OTUD7B: variants seen among roughly 807,000 people sequenced by gnomAD.
OTUD7B encodes OTU deubiquitinase 7B.
Under a neutral mutation model 82.2 loss-of-function variants are expected in OTUD7B, and 34 were observed. The observed-to-expected ratio is 0.41, with a 90% CI of 0.31 to 0.55. OTUD7B has a LOEUF of 0.55. Among genes scored for constraint, OTUD7B ranks in the 20% least tolerant of loss-of-function variants. The probability of loss-of-function intolerance (pLI) is 0.20; values close to 1 mark genes in which losing one functional copy is unlikely to be tolerated. For missense variants in OTUD7B, 944 were observed against 1,062.1 expected (o/e 0.89, Z 1.55); for synonymous variants, 398 against 402.7 (o/e 0.99, Z 0.14).
chr1:150,025,672 T>G, the OTUD7B span, among the ~76,000 whole-genome samples: 1 of 152,182 alleles, frequency 6.6e-6, no homozygotes, highest in Non-Finnish European at 1.5e-5. Context: ...ACTACCTTTC[T>G]CTGTGTGAAT....
chr1:150,004,497 T>C (rs1274051347), intron 1 of OTUD7B, among the ~76,000 whole-genome samples: 4 of 151,630 alleles, frequency 2.6e-5, no homozygotes, highest in Non-Finnish European at 5.9e-5. Flanking sequence ...GAGGCGGAGG[T>C]TGCAGTCAGC....
the OTUD7B span, among the ~76,000 whole-genome samples, chr1:150,018,584 C>T: frequency 6.6e-6 from 1 of 152,252 alleles, no homozygotes; most frequent in South Asian, 2.1e-4. Context: ...TACATGAATT[C>T]TACTGATGTA....
At chr1:150,061,873 A>C in the OTUD7B span, among the ~76,000 whole-genome samples, 2 of 152,242 alleles carry the variant, frequency 1.3e-5, no homozygotes, top group African/African-American at 4.8e-5. Context: ...AATTGCAGAA[A>C]TCATAGGCTG....
At chr1:150,004,028 G>A (rs1182999988) in intron 1 of OTUD7B, among the ~76,000 whole-genome samples, 11 of 152,118 alleles carry the variant, frequency 7.2e-5, no homozygotes, top group Admixed American at 2.0e-4. Flanking sequence ...GGCACAACGT[G>A]TCACAGTTGT....
Position 149,947,114 on chromosome 1 carries a change from T to C in OTUD7B, c.1323+137A>G, listed in dbSNP as rs1553772322. Reference sequence around the variant, plus strand: ...AATTGTCTTTGGAACTTATCTGACATCTTCTAGTTACTTCTAACCTTGAAT... The same window carrying C: ...AATTGTCTTTGGAACTTATCTGACACCTTCTAGTTACTTCTAACCTTGAAT... On this transcript the variant is annotated intron_variant, in intron 11 of 11. Coordinates refer to ENST00000581312, the MANE Select transcript of OTUD7B (RefSeq NM_020205.4). 21 of 510,132 alleles carry C rather than the reference T, an allele frequency of 4.1e-5. No homozygotes were observed. The South Asian group carries it at 7.6e-4, about 18-fold the overall frequency. 31.6% of individuals were successfully genotyped at this position (510,132 alleles called of 1,614,324 possible).
At chr1:149,945,189 G>T in intron 11 of OTUD7B, 124 bp from the exon 12 acceptor site, 1 of 1,338,480 alleles carries the variant, frequency 7.5e-7, no homozygotes, top group Non-Finnish European at 9.9e-7. Flanking sequence ...ATAGAAATTA[G>T]CCAGGTAGAA....
At chr1:150,019,115 T>G in the OTUD7B span, among the ~76,000 whole-genome samples, 1 of 152,214 alleles carries the variant, frequency 6.6e-6, no homozygotes, top group Non-Finnish European at 1.5e-5. Flanking sequence ...GGTTAGCATT[T>G]TTGTTTTAAG....
In OTUD7B at chr1:149,977,506, G is replaced by A. The variant is rs1239605807; in HGVS notation, c.5C>T (p.Thr2Ile). The A allele has an allele frequency of 6.2e-7, 1 of 1,613,720 alleles. No individual in the cohort carries two copies. Among genetic ancestry groups the A allele is most frequent in the East Asian group, 2.2e-5 (1 of 44,874 alleles). Reference protein sequence around the residue: MTLDMDAVLSDF... With the variant: MILDMDAVLSDF... Reference sequence around the variant, plus strand: ...TGACAGAACAGCATCCATGTCCAGGGTCATGTGATCCTCAAGTACTTTCAG... The same window carrying A: ...TGACAGAACAGCATCCATGTCCAGGATCATGTGATCCTCAAGTACTTTCAG... Residue 2 changes from threonine (T) to isoleucine (I), a missense_variant, in exon 2 of 12, where the codon ACC (threonine) becomes ATC (isoleucine). Thr to Ile is a moderately conservative substitution (Grantham distance 89). Coordinates refer to ENST00000581312, the MANE Select transcript of OTUD7B (RefSeq NM_020205.4).
intron 3 of OTUD7B, 138 bp downstream of exon 3, chr1:149,970,925 G>A: frequency 1.5e-6 from 1 of 681,800 alleles, no homozygotes; most frequent in Non-Finnish European, 2.3e-6. Context: ...GCAGACTGAG[G>A]CCACCTCAGT....
At chr1:149,979,942 C>T (rs587776262) in intron 1 of OTUD7B, among the ~76,000 whole-genome samples, 5 of 151,980 alleles carry the variant, frequency 3.3e-5, no homozygotes, top group African/African-American at 9.6e-5. Flanking sequence ...AAAAAAGCAA[C>T]GCAACTGTAA....
intron 1 of OTUD7B, among the ~76,000 whole-genome samples, chr1:149,981,743 C>G (rs782737695): frequency 6.6e-6 from 1 of 152,162 alleles, no homozygotes; most frequent in African/African-American, 2.4e-5. Context: ...GTTCAAAATT[C>G]GCTTCTGCTA....
At position 149,951,001 on chromosome 1, in the gene OTUD7B, T is replaced by TTTTTTTTTTTTG. The variant is rs1388877490; in HGVS notation, c.846-781_846-780insCAAAAAAAAAAA. On this transcript the variant is annotated intron_variant, in intron 7 of 11. Transcript: ENST00000581312. ...TATTTTTTTTTTTTTTTTTTTTTTG[T>TTTTTTTTTTTTG]AGATGGAGTCTCACTCTTTCGCCCA... Among the ~76,000 whole-genome samples, 75 of 63,690 alleles carry TTTTTTTTTTTTG rather than the reference T, an allele frequency of 1.2e-3. 17 individuals are homozygous for TTTTTTTTTTTTG. The highest frequency in any genetic ancestry group is 1.3e-3 in the Admixed American group (5 of 3,838). The allele number at this position is 63,690 out of a possible 152,430, so 41.8% of individuals were successfully genotyped here.
At position 149,992,561 on chromosome 1, in the gene OTUD7B, G is replaced by A. The variant is rs149997912; in HGVS notation, c.-66-14985C>T. 1.9e-3 allele frequency among the ~76,000 whole-genome samples: 259 copies of A among 135,648 alleles called. 2 individuals are homozygous for A. The highest frequency in any genetic ancestry group is 6.5e-3 in the African/African-American group (241 of 37,012). The allele number at this position is 135,648 out of a possible 152,430, so 89.0% of individuals were successfully genotyped here. On this transcript the variant is annotated intron_variant, in intron 1 of 11. Transcript: ENST00000581312. ...TGCAATCTCGGCTCACTGCAAGCTC[G>A]GCCTCCCGGGTTCAAGTGATTCTCA...
At chr1:150,011,187 C>T (rs1287969073), upstream of OTUD7B, among the ~76,000 whole-genome samples, 1 of 152,196 alleles carries the variant, frequency 6.6e-6, no homozygotes, top group Admixed American at 6.5e-5. Context: ...CTTGTTCCTT[C>T]ACTCTTGAAG....
chr1:150,021,378 A>G, the OTUD7B span, among the ~76,000 whole-genome samples: 1 of 152,184 alleles, frequency 6.6e-6, no homozygotes, highest in Non-Finnish European at 1.5e-5. Context: ...GAACAAAGCC[A>G]GAGGGTGAAT....
In OTUD7B at chr1:149,994,606, A is replaced by AAAAC. The variant is rs1447768451; in HGVS notation, c.-67+15841_-67+15842insGTTT. The stretch of plus-strand genomic sequence containing the variant: ...TCTCAAAAAAAAAAAAAAAAAAAAA[A>AAAAC]CCCAATTTTTTGTTTTTTTAAGAGA... On this transcript the variant is annotated intron_variant, in intron 1 of 11. Transcript: ENST00000581312. 9.3e-4 allele frequency among the ~76,000 whole-genome samples: 90 copies of AAAAC among 96,720 alleles called. 1 individual carries two copies. The highest frequency in any genetic ancestry group is 2.7e-3 in the African/African-American group (62 of 22,618). The allele number at this position is 96,720 out of a possible 152,430, so 63.5% of individuals were successfully genotyped here.
chr1:150,040,867 G>A, the OTUD7B span, among the ~76,000 whole-genome samples: 2 of 151,776 alleles, frequency 1.3e-5, no homozygotes, highest in Non-Finnish European at 2.9e-5. Context: ...CCGCCACCAT[G>A]CCCAGCTAAT....
chr1:149,948,694 T>C (rs1553772653), intron 10 of OTUD7B, among the ~76,000 whole-genome samples: 1 of 152,162 alleles, frequency 6.6e-6, no homozygotes, highest in African/African-American at 2.4e-5. Flanking sequence ...TTCTGATCAA[T>C]GTTTTAGAGA....
chr1:149,959,354 C>A (rs1648968356), intron 7 of OTUD7B, among the ~76,000 whole-genome samples: 1 of 152,106 alleles, frequency 6.6e-6, no homozygotes, highest in Non-Finnish European at 1.5e-5. Context: ...GTGTGAGACA[C>A]CACACCCGGC....
Sources: allele counts gnomAD v4.1 joint callset (sites outside exome capture counted in the v4.1 genomes callset), GRCh38; gene constraint gnomAD v4.1.1; transcripts MANE v1.5; gene names NCBI Gene and HGNC (gene_info 2026-07-23, HGNC 2026-07-21).